DIP2B: variants seen among roughly 807,000 people sequenced by gnomAD.
DIP2B encodes disco-interacting protein 2 homolog B.
A neutral mutation model predicts 198.0 loss-of-function variants in DIP2B; 76 were observed. That is an observed-to-expected ratio of 0.38 (90% confidence interval 0.32 to 0.46). DIP2B has a LOEUF of 0.46. DIP2B is among the 20% of genes least tolerant of loss of function. The pLI, the probability that DIP2B is intolerant of heterozygous loss-of-function variation, is 0.99. For synonymous variants in DIP2B, 701 were observed against 739.1 expected (o/e 0.95, Z 0.84); for missense variants, 1,559 against 1,978.4 (o/e 0.79, Z 4.02).
At chr12:50,630,786 C>T (rs1298277674) in intron 2 of DIP2B, among the ~76,000 whole-genome samples, 2 of 149,808 alleles carry the variant, frequency 1.3e-5, no homozygotes, top group African/African-American at 4.9e-5. Flanking sequence ...ATTATCCTGC[C>T]TCAGCCTCCT....
intron 37 of DIP2B, among the ~76,000 whole-genome samples, chr12:50,742,506 T>C (rs376254544): frequency 4.6e-5 from 7 of 152,052 alleles, no homozygotes; most frequent in African/African-American, 1.7e-4. Context: ...CTACCTATTT[T>C]AGTGAATATG....
At chr12:50,546,512 C>G (rs1958378947) in intron 1 of DIP2B, among the ~76,000 whole-genome samples, 1 of 152,162 alleles carries the variant, frequency 6.6e-6, no homozygotes, top group African/African-American at 2.4e-5. Context: ...GTAAGTGAAG[C>G]AGAGTGAAGA....
rs748040782 is a variant in DIP2B at position 50,744,899 on chromosome 12, G to A, written c.*60G>A. On this transcript the variant is annotated 3_prime_UTR_variant, in exon 38 of 38. Coordinates refer to ENST00000301180, the MANE Select transcript of DIP2B (RefSeq NM_173602.3). ...AGAATCACAAAGACAGAAGACCTCT[G>A]GCTAAGAGCAGGCTTCAAACGATGT... The A allele has an allele frequency of 6.3e-6, 10 of 1,585,498 alleles. No homozygotes were observed. The highest frequency in any genetic ancestry group is 7.7e-6 in the Non-Finnish European group (9 of 1,161,528).
At chr12:50,659,856 C>T (rs1938615006) in intron 3 of DIP2B, among the ~76,000 whole-genome samples, 1 of 152,086 alleles carries the variant, frequency 6.6e-6, no homozygotes, top group African/African-American at 2.4e-5. Flanking sequence ...CCATTTGAGG[C>T]AGAATTTCCT....
At chr12:50,676,119 A>G (rs989804468) in intron 7 of DIP2B, among the ~76,000 whole-genome samples, 2 of 152,232 alleles carry the variant, frequency 1.3e-5, no homozygotes, top group African/African-American at 4.8e-5. Context: ...TAAATTATGG[A>G]TAAAACCATA....
chr12:50,685,904 T>G lies in DIP2B; in HGVS notation c.1389T>G (p.Val463=). The G allele has an allele frequency of 6.2e-7, 1 of 1,614,018 alleles. No individual in the cohort carries two copies. Among genetic ancestry groups the G allele is most frequent in the African/African-American group, 1.3e-5 (1 of 75,060 alleles). ...CGIALALTSE[V]CLKGLPKTQN... ...TTGCCTTAGCTCTTACCAGTGAAGT[T>G]TGTCTAAAAGGACTGCCAAAAACCC... The change falls in exon 11 of 38, where the codon GTT becomes GTG. Residue 463 remains valine (V), a synonymous_variant. Transcript: ENST00000301180.
intron 1 of DIP2B, among the ~76,000 whole-genome samples, chr12:50,621,889 T>C (rs1447691053): frequency 1.3e-5 from 2 of 152,238 alleles, no homozygotes; most frequent in East Asian, 3.8e-4. Flanking sequence ...ATGGAGCTAA[T>C]TGGCATGGCT....
rs141940681 is a variant in DIP2B, at chr12:50,713,280, G to A, written c.2650-1115G>A. ...ATTTTCTGTAAGTTAGCACCAGAAT[G>A]TGGGTATTTGAAAAATGACTTGAAT... On this transcript the variant is annotated intron_variant, in intron 22 of 37. Coordinates refer to ENST00000301180, the MANE Select transcript of DIP2B (RefSeq NM_173602.3). 3.0e-3 allele frequency among the ~76,000 whole-genome samples: 451 copies of A among 152,302 alleles called. 5 individuals are homozygous for A. The highest frequency in any genetic ancestry group is 0.01 in the African/African-American group (427 of 41,576).
intron 23 of DIP2B, among the ~76,000 whole-genome samples, chr12:50,716,229 TAGGG>T (rs1227307670): frequency 1.3e-5 from 2 of 152,198 alleles, no homozygotes; most frequent in Middle Eastern, 3.2e-3. Context: ...TGAAGTTTCT[TAGGG>T]AGGAATATTG....
At chr12:50,538,271 G>A (rs1220356257) in intron 1 of DIP2B, among the ~76,000 whole-genome samples, 3 of 152,092 alleles carry the variant, frequency 2.0e-5, no homozygotes, top group Non-Finnish European at 2.9e-5. Flanking sequence ...GTTGGTGTGG[G>A]GATAAAGGGA....
At chr12:50,552,223 C>T (rs1444171952) in intron 1 of DIP2B, among the ~76,000 whole-genome samples, 4 of 151,352 alleles carry the variant, frequency 2.6e-5, no homozygotes, top group Non-Finnish European at 4.4e-5. Flanking sequence ...ATCCTTTGCC[C>T]GTTTTTTAAT....
intron 1 of DIP2B, among the ~76,000 whole-genome samples, chr12:50,565,124 C>G (rs958872758): frequency 6.6e-6 from 1 of 151,804 alleles, no homozygotes; most frequent in South Asian, 2.1e-4. Context: ...CAGCTCAGCC[C>G]CCTGAGTAGC....
intron 13 of DIP2B, 116 bp downstream of exon 13, chr12:50,691,267 A>G (rs1347117909): frequency 8.7e-5 from 81 of 933,048 alleles, no homozygotes; most frequent in Non-Finnish European, 1.2e-4. Flanking sequence ...AAATGTCCCA[A>G]GACACATTCT....
At chr12:50,660,423 G>C in intron 4 of DIP2B, 104 bp downstream of exon 4, 2 of 1,285,150 alleles carry the variant, frequency 1.6e-6, no homozygotes, top group East Asian at 2.6e-5. Context: ...TCTTCTCCCC[G>C]CCATTAGAGG....
In DIP2B at chr12:50,636,841, G is replaced by C. The variant is rs573105920; in HGVS notation, c.173-3883G>C. On this transcript the variant is annotated intron_variant, in intron 2 of 37. Coordinates refer to ENST00000301180, the MANE Select transcript of DIP2B (RefSeq NM_173602.3). The stretch of plus-strand genomic sequence containing the variant: ...CCAAGGAAGCTCTGGGTCAGGATCT[G>C]TTCAGACACCTACCACTTTACAGAC... 3.3e-5 allele frequency among the ~76,000 whole-genome samples: 5 copies of C among 152,278 alleles called. No individual in the cohort carries two copies. In the South Asian group the frequency reaches 1.0e-3, roughly 32 times the overall value.
At chr12:50,519,609 G>T (rs1356402481) in intron 1 of DIP2B, among the ~76,000 whole-genome samples, 1 of 152,184 alleles carries the variant, frequency 6.6e-6, no homozygotes, top group Non-Finnish European at 1.5e-5. Flanking sequence ...GTCTAGCCTA[G>T]CATCTTTGAA....
chr12:50,566,245 G>T (rs1236338829), intron 1 of DIP2B, among the ~76,000 whole-genome samples: 2 of 151,946 alleles, frequency 1.3e-5, no homozygotes, highest in Non-Finnish European at 2.9e-5. Context: ...TTGCCATGTT[G>T]CCCAGGCTGG....
chr12:50,641,202 C>T (rs1185631345), intron 3 of DIP2B, among the ~76,000 whole-genome samples: 2 of 152,084 alleles, frequency 1.3e-5, no homozygotes, highest in East Asian at 3.9e-4. Context: ...ACTAAAAATA[C>T]AAAAATTAGC....
intron 3 of DIP2B, among the ~76,000 whole-genome samples, chr12:50,648,085 G>A (rs1052708459): frequency 8.6e-5 from 13 of 151,930 alleles, no homozygotes; most frequent in Non-Finnish European, 1.8e-4. Context: ...CAGCCTAGGC[G>A]ACAGATCGAT....
Sources: gnomAD v4.1 joint callset for allele counts (sites outside exome capture counted in the v4.1 genomes callset) on GRCh38, gnomAD v4.1.1 for gene constraint, MANE v1.5 for transcripts, NCBI Gene and HGNC (gene_info 2026-07-23, HGNC 2026-07-21) for gene names.